The following C5 variants were observed in gnomAD, a reference collection of about 807,000 sequenced individuals.
C5 encodes C3 and PZP-like alpha-2-macroglobulin domain-containing protein 4.
Under a neutral mutation model 218.8 loss-of-function variants are expected in C5, and 140 were observed. The observed-to-expected ratio is 0.64, with a 90% CI of 0.56 to 0.74. The LOEUF (loss-of-function observed/expected upper bound fraction) is 0.74, where lower values mean the gene tolerates loss of function less well. Among genes scored for constraint, C5 ranks in the 30% least tolerant of loss-of-function variants. C5 has a pLI of 0.00. For missense variants in C5, 1,700 were observed against 1,969.6 expected (o/e 0.86, Z 2.59); for synonymous variants, 614 against 682.3 (o/e 0.90, Z 1.56).
chr9:120,974,511 G>A (rs544801575), intron 30 of C5, among the ~76,000 whole-genome samples: 2 of 152,272 alleles, frequency 1.3e-5, no homozygotes, highest in South Asian at 4.2e-4. Flanking sequence ...AGGATCAGGA[G>A]GGCCCCTCTG....
intron 17 of C5, among the ~76,000 whole-genome samples, chr9:121,013,573 G>A (rs1288084495): frequency 1.1e-4 from 16 of 152,166 alleles, no homozygotes. Context: ...GCATATTGGA[G>A]AGGATCTGGT....
At chr9:120,953,656 CGTAGTGTATT>C (rs2046763539) in intron 40 of C5, 64 bp downstream of exon 40, 4 of 1,411,684 alleles carry the variant, frequency 2.8e-6, no homozygotes, top group Non-Finnish European at 4.0e-6. Context: ...ATAAGAAACA[CGTAGTGTATT>C]TAAGAATAAA....
chr9:120,966,663 G>A (rs1481735889), intron 33 of C5, among the ~76,000 whole-genome samples: 1 of 152,182 alleles, frequency 6.6e-6, no homozygotes, highest in Admixed American at 6.5e-5. Context: ...GTGCCCAAGG[G>A]TAGGAATGGC....
intron 29 of C5, 52 bp downstream of exon 29, chr9:120,976,648 G>T: frequency 7.0e-7 from 1 of 1,431,490 alleles, no homozygotes; most frequent in Non-Finnish European, 9.9e-7. Context: ...GTGTGGTGGG[G>T]GAGAAAATAA....
At chr9:121,040,641 C>A (rs2047569622) in intron 3 of C5, among the ~76,000 whole-genome samples, 1 of 152,164 alleles carries the variant, frequency 6.6e-6, no homozygotes, top group African/African-American at 2.4e-5. Context: ...GTGTGCTTGG[C>A]TCTATCTTAA....
intron 2 of C5, among the ~76,000 whole-genome samples, chr9:121,044,921 A>C (rs1187804704): frequency 6.6e-6 from 1 of 152,054 alleles, no homozygotes; most frequent in Non-Finnish European, 1.5e-5. Context: ...TATCAGATAA[A>C]AGAGTGTCTT....
chr9:120,976,593 C>G, intron 29 of C5, 107 bp downstream of exon 29: 1 of 879,950 alleles, frequency 1.1e-6, no homozygotes, highest in Non-Finnish European at 2.0e-6. Flanking sequence ...TTATTCATAT[C>G]TATTGCATGC....
chr9:121,064,267 T>C, the C5 span, among the ~76,000 whole-genome samples: 2 of 152,178 alleles, frequency 1.3e-5, no homozygotes, highest in Non-Finnish European at 2.9e-5. Flanking sequence ...TTTTCATTTG[T>C]AGAATAGGAG....
chr9:121,010,720 C>T (rs1361349934), intron 17 of C5, among the ~76,000 whole-genome samples: 10 of 152,200 alleles, frequency 6.6e-5, no homozygotes, highest in Middle Eastern at 3.4e-3. Flanking sequence ...AATCACATTA[C>T]CTGACTTCAA....
intron 16 of C5, 35 bp from the exon 17 acceptor site, chr9:121,014,105 G>A (rs200988989): frequency 8.9e-6 from 14 of 1,567,920 alleles, no homozygotes; most frequent in East Asian, 4.5e-5. Context: ...TCTTGATGAC[G>A]CAGAGTGATA....
chr9:120,987,727 C>T (rs935451606), intron 25 of C5, among the ~76,000 whole-genome samples: 10 of 151,768 alleles, frequency 6.6e-5, no homozygotes, highest in African/African-American at 2.2e-4. Context: ...TCATATAGAA[C>T]CTACAAAGCA....
intron 6 of C5, among the ~76,000 whole-genome samples, chr9:121,031,624 T>A (rs778424537): frequency 1.4e-4 from 21 of 152,296 alleles, no homozygotes; most frequent in Admixed American, 5.2e-4. Flanking sequence ...GGAACTAGAA[T>A]CTAGGCATTC....
the C5 span, among the ~76,000 whole-genome samples, chr9:121,058,441 T>C: frequency 2.0e-5 from 3 of 152,172 alleles, no homozygotes; most frequent in Non-Finnish European, 2.9e-5. Context: ...TATATGTATA[T>C]ATAAAATTTT....
intron 3 of C5, among the ~76,000 whole-genome samples, chr9:121,038,509 G>A (rs1161014767): frequency 1.3e-5 from 2 of 152,046 alleles, no homozygotes; most frequent in Non-Finnish European, 2.9e-5. Flanking sequence ...ACACTTGTTC[G>A]CTCATTGTTA....
At chr9:121,026,101 T>G (rs1338758588) in intron 8 of C5, among the ~76,000 whole-genome samples, 1 of 152,222 alleles carries the variant, frequency 6.6e-6, no homozygotes, top group Non-Finnish European at 1.5e-5. Context: ...CAGGCATTTT[T>G]GTCTTATTTA....
At position 121,027,161 on chromosome 9, in the gene C5, A is replaced by T; in HGVS notation, c.872T>A (p.Met291Lys). Reference protein sequence around the residue: ...EMMQTAMQNTMLINGIAQVTF... With the variant: ...EMMQTAMQNTKLINGIAQVTF... ...AGTGACTGTGTCTTAACATCTTACC[A>T]TTGTGTTTTGCATTGCTGTTTGCAT... The change falls in exon 8 of 41, where the codon ATG (methionine) becomes AAG (lysine). Residue 291 changes from methionine (M) to lysine (K), a missense_variant and splice_region_variant. Transcript: ENST00000223642. 2 of 1,513,728 alleles carry T rather than the reference A, an allele frequency of 1.3e-6. No homozygotes were observed. Among genetic ancestry groups the T allele is most frequent in the South Asian group, 2.3e-5 (2 of 87,162 alleles). The allele number at this position is 1,513,728 out of a possible 1,614,324, so 93.8% of individuals were successfully genotyped here.
intron 20 of C5, among the ~76,000 whole-genome samples, chr9:121,003,017 G>A (rs2047184675): frequency 6.6e-6 from 1 of 152,174 alleles, no homozygotes; most frequent in Admixed American, 6.5e-5. Flanking sequence ...TACTGGCCGG[G>A]AACAGTGGCT....
chr9:121,066,969 A>G, the C5 span, among the ~76,000 whole-genome samples: 1 of 152,112 alleles, frequency 6.6e-6, no homozygotes, highest in Non-Finnish European at 1.5e-5. Flanking sequence ...GTTTGGGTAT[A>G]AAATGAAAAT....
chr9:121,064,005 A>G, the C5 span, among the ~76,000 whole-genome samples: 1 of 152,242 alleles, frequency 6.6e-6, no homozygotes, highest in Non-Finnish European at 1.5e-5. Flanking sequence ...TGTAAGAAGA[A>G]TTATATCACT....
Sources: gnomAD v4.1 joint callset for allele counts (sites outside exome capture counted in the v4.1 genomes callset) on GRCh38, gnomAD v4.1.1 for gene constraint, MANE v1.5 for transcripts, NCBI Gene and HGNC (gene_info 2026-07-23, HGNC 2026-07-21) for gene names.